POP1: variants seen among roughly 807,000 people sequenced by gnomAD.
POP1 encodes ribonucleases P/MRP protein subunit POP1.
Under a neutral mutation model 102.2 loss-of-function variants are expected in POP1, and 75 were observed. The ratio of observed to expected loss-of-function variants is 0.73; its 90% CI spans 0.61 to 0.89. The LOEUF is 0.89. Ranked by LOEUF, POP1 falls within the 40% of genes least tolerant of loss-of-function variation. POP1 has a pLI of 0.00. For missense variants in POP1, 1,116 were observed against 1,267.4 expected (o/e 0.88, Z 1.81); for synonymous variants, 436 against 464.1 (o/e 0.94, Z 0.78).
chr8:98,156,107 C>G lies in POP1; in HGVS notation c.2115C>G (p.Cys705Trp). The G allele has an allele frequency of 1.2e-6, 2 of 1,614,114 alleles. No homozygotes were observed. Among genetic ancestry groups the G allele is most frequent in the Non-Finnish European group, 1.7e-6 (2 of 1,180,018 alleles). Residue 705 changes from cysteine to tryptophan, a missense_variant, in exon 15 of 16, where the codon TGC becomes TGG. Physicochemically the swap from Cys to Trp is radical, Grantham distance 215 (BLOSUM62 -2). Coordinates refer to ENST00000401707, the MANE Select transcript of POP1 (RefSeq NM_001145860.2). Reference protein sequence around the residue: ...YVKLGTLAPFCCPWEQLTQDW... With the variant: ...YVKLGTLAPFWCPWEQLTQDW... ...AGCTTGGCACTCTGGCACCTTTCTG[C>G]TGTCCCTGGGAGCAGTTAACTCAAG... is the stretch of plus-strand genomic sequence containing the variant.
intron 1 of POP1, among the ~76,000 whole-genome samples, chr8:98,119,043 C>T (rs1815936698): frequency 6.6e-6 from 1 of 152,116 alleles, no homozygotes; most frequent in African/African-American, 2.4e-5. Context: ...AGAATAGTGC[C>T]TGCCACATCA....
intron 9 of POP1, among the ~76,000 whole-genome samples, chr8:98,138,917 A>G (rs1299068707): frequency 6.6e-6 from 1 of 151,006 alleles, no homozygotes; most frequent in African/African-American, 2.4e-5. Context: ...CAGTGGCACA[A>G]TCTCAGCTCA....
intron 5 of POP1, among the ~76,000 whole-genome samples, chr8:98,132,141 G>A (rs72678796): frequency 1.1e-3 from 169 of 152,328 alleles, no homozygotes; most frequent in Non-Finnish European, 2.0e-3. Context: ...ACAAATATTA[G>A]TGAGTGCTTA....
At position 98,150,350 on chromosome 8, in the gene POP1, G is replaced by A. The variant is rs117400824; in HGVS notation, c.1903-135G>A. ...TTTTATTCATTTTTACTATTGCATG[G>A]TAATCCATTGTGTGTATTTCTATCC... On this transcript the variant is annotated intron_variant, in intron 13 of 15. Coordinates refer to ENST00000401707, the MANE Select transcript of POP1 (RefSeq NM_001145860.2). 6.1e-3 allele frequency: 5,543 copies of A among 903,788 alleles called. 29 individuals are homozygous for A. The highest frequency in any genetic ancestry group is 7.5e-3 in the Non-Finnish European group (4,253 of 566,076). 56.0% of individuals were successfully genotyped at this position (903,788 alleles called of 1,614,324 possible). A position where few individuals can be genotyped will look rare whatever the true frequency, so the allele number is the denominator to read the frequency against.
chr8:98,138,966 C>T (rs1816630546), intron 9 of POP1, among the ~76,000 whole-genome samples: 1 of 151,432 alleles, frequency 6.6e-6, no homozygotes, highest in Non-Finnish European at 1.5e-5. Flanking sequence ...AATTCTCATA[C>T]CTCAGCCTCC....
In POP1 at chr8:98,127,738, CA is replaced by C. The variant is rs1816252788; in HGVS notation, c.287del (p.Gln96ArgfsTer7). 6.2e-7 allele frequency: 1 copy of C among 1,613,940 alleles called. No homozygotes were observed. The highest frequency in any genetic ancestry group is 1.7e-5 in the Admixed American group (1 of 60,002). ...GWKAGPEGTS[Q>X]EIPKYITAST... ...GAAAGCAGGTCCCGAGGGCACGTCT[CA>C]GGAGATCCCCAAGTATATAACTGGT... On this transcript the variant is annotated frameshift_variant, in exon 3 of 16. Transcript: ENST00000401707. LOFTEE classifies it high-confidence loss of function.
At chr8:98,118,939 T>G (rs1053965853) in intron 1 of POP1, among the ~76,000 whole-genome samples, 3 of 152,088 alleles carry the variant, frequency 2.0e-5, no homozygotes, top group African/African-American at 7.2e-5. Context: ...CTTGGACTGG[T>G]ATATAAAATC....
chr8:98,157,560 T>A, intron 15 of POP1, 57 bp from the exon 16 acceptor site: 2 of 1,572,236 alleles, frequency 1.3e-6, no homozygotes. Flanking sequence ...ATCTTCTGAT[T>A]GCATATTTTT....
At position 98,156,311 on chromosome 8, in the gene POP1, G is replaced by A; in HGVS notation, c.2319G>A (p.Met773Ile). ...ACCCCAGGGAGGCAGAGGAGGTAATGGATGCAGGGTGTCAAGAATCGGCAG... is the reference window on the plus strand; with the variant it reads ...ACCCCAGGGAGGCAGAGGAGGTAATAGATGCAGGGTGTCAAGAATCGGCAG... Reference protein sequence around the residue: ...IEHPREAEEVMDAGCQESAGP... With the variant: ...IEHPREAEEVIDAGCQESAGP... The change falls in exon 15 of 16, where the codon ATG becomes ATA. Residue 773 changes from methionine (M) to isoleucine (I), a missense_variant. Met to Ile is a conservative substitution (Grantham distance 10). Transcript: ENST00000401707. 1 of 1,614,194 alleles carries A rather than the reference G, an allele frequency of 6.2e-7. No homozygotes were observed. Among genetic ancestry groups the A allele is most frequent in the Non-Finnish European group, 8.5e-7 (1 of 1,180,040 alleles).
At chr8:98,125,502 T>G (rs910836594) in intron 2 of POP1, among the ~76,000 whole-genome samples, 1 of 151,390 alleles carries the variant, frequency 6.6e-6, no homozygotes, top group Non-Finnish European at 1.5e-5. Context: ...AGATATTTAA[T>G]GTTGTCTTAT....
chr8:98,117,836 G>C (rs558670727), intron 1 of POP1: 3 of 152,476 alleles, frequency 2.0e-5, no homozygotes, highest in African/African-American at 4.8e-5. Flanking sequence ...CAGAAAGAAA[G>C]ATGGTGATCT....
At chr8:98,146,270 A>G (rs1302188850) in intron 11 of POP1, among the ~76,000 whole-genome samples, 3 of 152,148 alleles carry the variant, frequency 2.0e-5, no homozygotes, top group Non-Finnish European at 2.9e-5. Flanking sequence ...GGCTCCTAGA[A>G]TTTGATTATC....
At chr8:98,148,218 GT>G (rs1809407226) in intron 12 of POP1, among the ~76,000 whole-genome samples, 1 of 152,210 alleles carries the variant, frequency 6.6e-6, no homozygotes, top group Non-Finnish European at 1.5e-5. Context: ...CGTTCATGAG[GT>G]AGCAGTTAGA....
chr8:98,156,874 A>G (rs1283721759), intron 15 of POP1, among the ~76,000 whole-genome samples: 2 of 147,692 alleles, frequency 1.4e-5, no homozygotes, highest in Non-Finnish European at 3.0e-5. Context: ...CTCATCAGTG[A>G]CCCTGCATTC....
Position 98,127,180 on chromosome 8 carries a change from C to A in POP1, c.143-415C>A, listed in dbSNP as rs762289176. On this transcript the variant is annotated intron_variant, in intron 2 of 15. Coordinates refer to ENST00000401707, the MANE Select transcript of POP1 (RefSeq NM_001145860.2). The stretch of plus-strand genomic sequence containing the variant: ...ATTCATGAAGGCTCTACCCTCATGA[C>A]CTAATCGCCTCCTAAAGGCCCCACC... Among the ~76,000 whole-genome samples, 5 of 152,210 alleles carry A rather than the reference C, an allele frequency of 3.3e-5. No individual in the cohort carries two copies. In the East Asian group the frequency reaches 5.8e-4, roughly 18 times the overall value.
At position 98,158,512 on chromosome 8, in the gene POP1, A is replaced by G. The variant is rs1809717924; in HGVS notation, c.*241A>G. On this transcript the variant is annotated 3_prime_UTR_variant, in exon 16 of 16. Transcript: ENST00000401707. ...ATTATTTGGCCAAAAGCTTTGTATTATGATCTCTTGGTCTGTGTAGTTGTG... is the reference window on the plus strand; with the variant it reads ...ATTATTTGGCCAAAAGCTTTGTATTGTGATCTCTTGGTCTGTGTAGTTGTG... 2.0e-6 allele frequency: 1 copy of G among 510,610 alleles called. No individual in the cohort carries two copies. 31.6% of individuals were successfully genotyped at this position (510,610 alleles called of 1,614,324 possible). A position where few individuals can be genotyped will look rare whatever the true frequency, so the allele number is the denominator to read the frequency against.
At chr8:98,151,446 C>T (rs950615862) in intron 14 of POP1, among the ~76,000 whole-genome samples, 6 of 152,082 alleles carry the variant, frequency 3.9e-5, no homozygotes, top group African/African-American at 1.2e-4. Context: ...GAAGTGTGGC[C>T]GATGAGGGTC....
At chr8:98,125,438 G>T (rs924788912) in intron 2 of POP1, among the ~76,000 whole-genome samples, 9 of 152,102 alleles carry the variant, frequency 5.9e-5, no homozygotes, top group African/African-American at 1.9e-4. Flanking sequence ...CACCTGCTTC[G>T]GCCTCCCAAA....
At chr8:98,129,647 T>C (rs1405687928) in intron 4 of POP1, among the ~76,000 whole-genome samples, 1 of 152,250 alleles carries the variant, frequency 6.6e-6, no homozygotes, top group Non-Finnish European at 1.5e-5. Context: ...TTCTTCTTTC[T>C]TGCCCTCTAA....
Sources: gnomAD v4.1 joint callset for allele counts (sites outside exome capture counted in the v4.1 genomes callset) on GRCh38, gnomAD v4.1.1 for gene constraint, MANE v1.5 for transcripts, NCBI Gene and HGNC (gene_info 2026-07-23, HGNC 2026-07-21) for gene names.